KCNH7: variants seen among roughly 807,000 people sequenced by gnomAD.
The protein encoded by KCNH7 is voltage-gated inwardly rectifying potassium channel KCNH7.
In KCNH7, 49 loss-of-function variants were observed where a neutral mutation model predicts 120.8. That is an observed-to-expected ratio of 0.41 (90% CI 0.32 to 0.51). The LOEUF (loss-of-function observed/expected upper bound fraction) is 0.51, where lower values mean the gene tolerates loss of function less well. KCNH7 is among the 20% of genes least tolerant of loss of function. The pLI is 0.38. For synonymous variants in KCNH7, 547 were observed against 516.1 expected (o/e 1.06, Z -0.81); for missense variants, 1,097 against 1,446.6 (o/e 0.76, Z 3.92).
intron 2 of KCNH7, among the ~76,000 whole-genome samples, chr2:162,707,436 T>A (rs1686754541): frequency 6.6e-6 from 1 of 152,116 alleles, no homozygotes; most frequent in African/African-American, 2.4e-5. Flanking sequence ...AGCACTCAGC[T>A]GTATCTGAAA....
At chr2:162,782,670 G>A (rs963392650) in intron 2 of KCNH7, among the ~76,000 whole-genome samples, 1 of 152,148 alleles carries the variant, frequency 6.6e-6, no homozygotes, top group African/African-American at 2.4e-5. Flanking sequence ...TAATGAAGAA[G>A]AGAAAACATC....
rs200989075 is a variant in KCNH7, at chr2:162,446,443, C to T, written c.1129G>A (p.Val377Ile). 2 of 1,595,288 alleles carry T rather than the reference C, an allele frequency of 1.3e-6. No homozygotes were observed. The highest frequency in any genetic ancestry group is 1.7e-5 in the Admixed American group (1 of 57,664). Residue 377 changes from valine (V) to isoleucine (I), a missense_variant and splice_region_variant, in exon 7 of 16, where the codon GTT (valine) becomes ATT (isoleucine). Val to Ile is a conservative substitution (Grantham distance 29). Around this residue, in one of 8 missense-constraint regions of KCNH7, gnomAD observed 362 missense variants for 372.2 expected, o/e 0.97. Coordinates refer to ENST00000332142, the MANE Select transcript of KCNH7 (RefSeq NM_033272.4). ...AGGACATCTGCTCCTAAAGAGAGAACCTGAATGTGCAAAAGAAAATCATAC... is the reference window on the plus strand; with the variant it reads ...AGGACATCTGCTCCTAAAGAGAGAATCTGAATGTGCAAAAGAAAATCATAC... ...THNVTEKVTQ[V>I]LSLGADVLPE...
intron 5 of KCNH7, among the ~76,000 whole-genome samples, chr2:162,509,430 A>G (rs982143456): frequency 2.0e-5 from 3 of 151,732 alleles, no homozygotes; most frequent in East Asian, 3.9e-4. Flanking sequence ...ATCTTAGGGC[A>G]CTGAGTTTAT....
At chr2:162,499,370 T>C (rs1690600663) in intron 6 of KCNH7, among the ~76,000 whole-genome samples, 1 of 152,100 alleles carries the variant, frequency 6.6e-6, no homozygotes, top group Non-Finnish European at 1.5e-5. Context: ...ACCACTCCAT[T>C]GGAATTTGGT....
chr2:162,767,119 C>T (rs1258801625), intron 2 of KCNH7, among the ~76,000 whole-genome samples: 1 of 152,000 alleles, frequency 6.6e-6, no homozygotes, highest in Non-Finnish European at 1.5e-5. Flanking sequence ...ATTTATTTAA[C>T]CCATATCATA....
rs552991373 is a variant in KCNH7, at chr2:162,809,626, T to C, written c.307+26911A>G. Among the ~76,000 whole-genome samples, 4 of 152,270 alleles carry C rather than the reference T, an allele frequency of 2.6e-5. No homozygotes were observed. In the East Asian group the frequency reaches 5.8e-4, roughly 22 times the overall value. ...AATATATTTGGGGAGAGTAAGACCA[T>C]TGGATCTTGCAAGAATTAAAGTTTT... On this transcript the variant is annotated intron_variant, in intron 2 of 15. Transcript: ENST00000332142.
chr2:162,778,706 G>C (rs1284934988), intron 2 of KCNH7, among the ~76,000 whole-genome samples: 1 of 152,146 alleles, frequency 6.6e-6, no homozygotes, highest in Non-Finnish European at 1.5e-5. Context: ...CACACAAAAA[G>C]AGATGATAGA....
intron 2 of KCNH7, among the ~76,000 whole-genome samples, chr2:162,628,573 C>A (rs1393540646): frequency 6.6e-6 from 1 of 152,014 alleles, no homozygotes; most frequent in Non-Finnish European, 1.5e-5. Context: ...AATTATTTTT[C>A]CTGATCCTCT....
chr2:162,762,312 T>C (rs186667782), intron 2 of KCNH7, among the ~76,000 whole-genome samples: 1 of 152,068 alleles, frequency 6.6e-6, no homozygotes, highest in East Asian at 1.9e-4. Flanking sequence ...TATATACATA[T>C]AGGCTTTTGT....
chr2:162,542,210 G>A (rs1692331088), intron 2 of KCNH7, among the ~76,000 whole-genome samples: 1 of 149,214 alleles, frequency 6.7e-6, no homozygotes, highest in Admixed American at 6.7e-5. Flanking sequence ...TAAATTGTTA[G>A]TGGCTGTGAT....
chr2:162,712,579 A>G (rs905715263), intron 2 of KCNH7, among the ~76,000 whole-genome samples: 2 of 152,216 alleles, frequency 1.3e-5, no homozygotes, highest in Non-Finnish European at 2.9e-5. Context: ...GAGTGATTTT[A>G]AAACAAAGGA....
At chr2:162,617,952 T>C (rs1034052603) in intron 2 of KCNH7, among the ~76,000 whole-genome samples, 1 of 152,094 alleles carries the variant, frequency 6.6e-6, no homozygotes, top group African/African-American at 2.4e-5. Flanking sequence ...GGGGATTTTT[T>C]TTTACCCTGA....
chr2:162,521,187 G>T lies in KCNH7; in HGVS notation c.464-3029C>A, dbSNP rs76358516. Among the ~76,000 whole-genome samples, 1,508 of 151,886 alleles carry T rather than the reference G, an allele frequency of 9.9e-3. 34 individuals carry two copies. The highest frequency in any genetic ancestry group is 0.034 in the African/African-American group (1,392 of 41,492). On this transcript the variant is annotated intron_variant, in intron 3 of 15. Transcript: ENST00000332142. Reference sequence around the variant, plus strand: ...GGCCCATAGGCCTCAGAAGGGCAGGGCCCCAGGCTATTTTGCTTACTTAGC... The same window carrying T: ...GGCCCATAGGCCTCAGAAGGGCAGGTCCCCAGGCTATTTTGCTTACTTAGC...
intron 3 of KCNH7, among the ~76,000 whole-genome samples, chr2:162,520,532 T>C (rs1558991927): frequency 6.6e-6 from 1 of 151,758 alleles, no homozygotes; most frequent in Non-Finnish European, 1.5e-5. Flanking sequence ...AGAAAAGGCA[T>C]AATGATCTCT....
intron 2 of KCNH7, among the ~76,000 whole-genome samples, chr2:162,557,804 G>A (rs1692911087): frequency 6.6e-6 from 1 of 151,982 alleles, no homozygotes; most frequent in Non-Finnish European, 1.5e-5. Context: ...TTCTGTCTCG[G>A]TTACTCTTTT....
At chr2:162,552,080 C>T (rs891131772) in intron 2 of KCNH7, among the ~76,000 whole-genome samples, 2 of 152,084 alleles carry the variant, frequency 1.3e-5, no homozygotes, top group Admixed American at 6.5e-5. Flanking sequence ...CCACTCTGGC[C>T]CTACCATTGT....
In KCNH7 at chr2:162,838,513, A is replaced by G. The variant is rs1685739788; in HGVS notation, c.6T>C (p.Pro2=). Residue 2 remains proline (P), a synonymous_variant, in exon 1 of 16, where the codon CCT becomes CCC. Coordinates refer to ENST00000332142, the MANE Select transcript of KCNH7 (RefSeq NM_033272.4). Reference sequence around the variant, plus strand: ...GTGGTGCCACATGCCCCCTGCGCACAGGCATGTTGGCCCCGGTCTTCCGAG... The same window carrying G: ...GTGGTGCCACATGCCCCCTGCGCACGGGCATGTTGGCCCCGGTCTTCCGAG... M[P]VRRGHVAPQN... 1.9e-6 allele frequency: 3 copies of G among 1,612,602 alleles called. No individual in the cohort carries two copies. Among genetic ancestry groups the G allele is most frequent in the Middle Eastern group, 1.9e-4 (1 of 5,304 alleles).
At chr2:162,805,954 C>T (rs1267040065) in intron 2 of KCNH7, among the ~76,000 whole-genome samples, 3 of 151,970 alleles carry the variant, frequency 2.0e-5, no homozygotes, top group Non-Finnish European at 2.9e-5. Context: ...GAGCTGGAGG[C>T]CATTACTCTA....
At chr2:162,769,524 C>T (rs1350931030) in intron 2 of KCNH7, among the ~76,000 whole-genome samples, 1 of 152,008 alleles carries the variant, frequency 6.6e-6, no homozygotes, top group African/African-American at 2.4e-5. Flanking sequence ...CTTATAACAG[C>T]CTTCTATAGA....
Sources: gnomAD v4.1 joint callset for allele counts (sites outside exome capture counted in the v4.1 genomes callset) on GRCh38, gnomAD v4.1.1 for gene constraint, gnomAD v4.1.1 regional missense constraint, MANE v1.5 for transcripts, NCBI Gene and HGNC (gene_info 2026-07-23, HGNC 2026-07-21) for gene names.